The following CACNB2 variants were observed in gnomAD, a reference collection of about 807,000 sequenced individuals.
CACNB2 encodes the protein voltage-dependent L-type calcium channel subunit beta-2.
Under a neutral mutation model 73.3 loss-of-function variants are expected in CACNB2, and 42 were observed. That is an observed-to-expected ratio of 0.57 (90% CI 0.45 to 0.74). The LOEUF (loss-of-function observed/expected upper bound fraction) is 0.74, where lower values mean the gene tolerates loss of function less well. Ranked by LOEUF, CACNB2 falls within the 30% of genes least tolerant of loss-of-function variation. The pLI is 0.00. For missense variants in CACNB2, 940 were observed against 853.0 expected, an observed-to-expected ratio of 1.10 and a Z score of -1.27; for synonymous variants, 348 against 310.3, an observed-to-expected ratio of 1.12 and a Z score of -1.28.
At chr10:18,420,648 A>G (rs7908861) in intron 3 of CACNB2, among the ~76,000 whole-genome samples, 1 of 151,948 alleles carries the variant, frequency 6.6e-6, no homozygotes, top group Non-Finnish European at 1.5e-5. Flanking sequence ...TTCAAATGCT[A>G]ATTTCACCCC....
chr10:18,144,123 G>C (rs1564290810), intron 1 of CACNB2, among the ~76,000 whole-genome samples: 1 of 152,246 alleles, frequency 6.6e-6, no homozygotes, highest in East Asian at 1.9e-4. Flanking sequence ...TGTCACCCAG[G>C]CTGGAGTGCA....
rs113432615 is a variant in CACNB2 at position 18,388,471 on chromosome 10, G to A, written c.214-13453G>A. ...ACATTAACTATATTAGGTCCCTAGG[G>A]TACTTTCCAGTGCTTTATTTCTGAG... On this transcript the variant is annotated intron_variant, in intron 2 of 13. Coordinates refer to ENST00000324631, the MANE Select transcript of CACNB2 (RefSeq NM_201596.3). Among the ~76,000 whole-genome samples, 112 of 152,186 alleles carry A rather than the reference G, an allele frequency of 7.4e-4. 1 individual carries two copies. The highest frequency in any genetic ancestry group is 2.5e-3 in the African/African-American group (105 of 41,526).
chr10:18,265,824 A>T (rs1474968205), intron 2 of CACNB2, among the ~76,000 whole-genome samples: 1 of 152,166 alleles, frequency 6.6e-6, no homozygotes, highest in East Asian at 1.9e-4. Flanking sequence ...ATGAGTAGTT[A>T]TTGTGATAGG....
intron 3 of CACNB2, among the ~76,000 whole-genome samples, chr10:18,454,724 C>G (rs1229958272): frequency 6.6e-6 from 1 of 152,166 alleles, no homozygotes; most frequent in Non-Finnish European, 1.5e-5. Context: ...ATGGAGGAGA[C>G]AGATGATACT....
At chr10:18,267,844 G>A (rs964889838) in intron 2 of CACNB2, among the ~76,000 whole-genome samples, 2 of 152,196 alleles carry the variant, frequency 1.3e-5, no homozygotes, top group African/African-American at 4.8e-5. Context: ...GCAGTTTCAT[G>A]TGTGAATGAC....
At chr10:18,374,809 C>T (rs774989991) in intron 2 of CACNB2, among the ~76,000 whole-genome samples, 1 of 152,118 alleles carries the variant, frequency 6.6e-6, no homozygotes, top group African/African-American at 2.4e-5. Context: ...CAGCTCTATG[C>T]ATAGGGTACA....
At chr10:18,235,921 G>GT (rs1363362997) in intron 2 of CACNB2, among the ~76,000 whole-genome samples, 6 of 152,130 alleles carry the variant, frequency 3.9e-5, no homozygotes, top group African/African-American at 1.4e-4. Context: ...ATGATAGTGA[G>GT]TGAGTGATTT....
intron 3 of CACNB2, among the ~76,000 whole-genome samples, chr10:18,472,163 G>C (rs1417953767): frequency 2.0e-5 from 3 of 150,632 alleles, no homozygotes; most frequent in African/African-American, 7.3e-5. Context: ...TGGTTGACTA[G>C]CTGAAGCATT....
intron 2 of CACNB2, among the ~76,000 whole-genome samples, chr10:18,341,270 T>C (rs1038011468): frequency 3.9e-5 from 6 of 152,168 alleles, no homozygotes; most frequent in Non-Finnish European, 8.8e-5. Context: ...AAATGCTTTT[T>C]CCAGCTATAG....
At chr10:18,523,663 C>T (rs2052152157) in intron 9 of CACNB2, among the ~76,000 whole-genome samples, 1 of 152,038 alleles carries the variant, frequency 6.6e-6, no homozygotes, top group African/African-American at 2.4e-5. Context: ...ACATTTTTAC[C>T]CATGGCAAGA....
chr10:18,286,665 A>C (rs1185062440), intron 2 of CACNB2, among the ~76,000 whole-genome samples: 2 of 152,098 alleles, frequency 1.3e-5, no homozygotes, highest in African/African-American at 4.8e-5. Context: ...ATTCTCTATG[A>C]ATAATTCAGT....
chr10:18,523,280 C>T (rs1305767973), intron 9 of CACNB2, among the ~76,000 whole-genome samples: 2 of 152,210 alleles, frequency 1.3e-5, no homozygotes, highest in East Asian at 3.8e-4. Context: ...AGTCAACCCA[C>T]TGCCCTTTCC....
chr10:18,404,556 T>A (rs2044179112), intron 3 of CACNB2, among the ~76,000 whole-genome samples: 1 of 152,198 alleles, frequency 6.6e-6, no homozygotes, highest in Non-Finnish European at 1.5e-5. Flanking sequence ...CTACATTTAC[T>A]TCGTAACCAT....
At chr10:18,145,307 G>A (rs985248274) in intron 1 of CACNB2, among the ~76,000 whole-genome samples, 6 of 152,144 alleles carry the variant, frequency 3.9e-5, no homozygotes, top group African/African-American at 9.7e-5. Flanking sequence ...GGTCCCGTGT[G>A]CAAATGAGTT....
chr10:18,297,426 T>C (rs1189776427), intron 2 of CACNB2, among the ~76,000 whole-genome samples: 1 of 152,046 alleles, frequency 6.6e-6, no homozygotes, highest in Non-Finnish European at 1.5e-5. Context: ...GTGTGGTGGC[T>C]GTATGCCTGT....
chr10:18,255,772 G>A (rs892603667), intron 2 of CACNB2, among the ~76,000 whole-genome samples: 8 of 152,210 alleles, frequency 5.3e-5, no homozygotes, highest in African/African-American at 1.7e-4. Flanking sequence ...GCAGGTGTCT[G>A]TCAGAAGACG....
chr10:18,498,102 C>T (rs993574823), intron 3 of CACNB2, among the ~76,000 whole-genome samples: 5 of 152,170 alleles, frequency 3.3e-5, no homozygotes, highest in Admixed American at 6.5e-5. Flanking sequence ...TCTTCTTCAC[C>T]TTCATTACTT....
At chr10:18,365,777 A>G (rs1412341371) in intron 2 of CACNB2, among the ~76,000 whole-genome samples, 3 of 151,314 alleles carry the variant, frequency 2.0e-5, no homozygotes, top group Non-Finnish European at 4.4e-5. Flanking sequence ...TATTTGGAGA[A>G]CAGTATAGTA....
chr10:18,535,993 C>A, intron 11 of CACNB2, 108 bp from the exon 12 acceptor site: 2 of 696,564 alleles, frequency 2.9e-6, no homozygotes, highest in South Asian at 1.6e-5. Flanking sequence ...CTATTATAAG[C>A]CCCTTGTGCT....
Sources: gnomAD v4.1 joint callset for allele counts (sites outside exome capture counted in the v4.1 genomes callset) on GRCh38, gnomAD v4.1.1 for gene constraint, MANE v1.5 for transcripts, NCBI Gene and HGNC (gene_info 2026-07-23, HGNC 2026-07-21) for gene names.